C3orf70: variants seen among roughly 807,000 people sequenced by gnomAD.
The protein encoded by C3orf70 is UPF0524 protein C3orf70.
Under a neutral mutation model 20.7 loss-of-function variants are expected in C3orf70, and 15 were observed. That is an observed-to-expected ratio of 0.72 (90% CI 0.48 to 1.11). The LOEUF (loss-of-function observed/expected upper bound fraction) is 1.11. C3orf70 is among the 50% of genes most tolerant of loss of function. C3orf70 has a pLI of 0.00. For missense variants in C3orf70, 332 were observed against 317.6 expected, an observed-to-expected ratio of 1.05 and a Z score of -0.34; for synonymous variants, 161 against 125.7, an observed-to-expected ratio of 1.28 and a Z score of -1.88.
chr3:185,124,997 C>T (rs919233939), intron 1 of C3orf70, among the ~76,000 whole-genome samples: 11 of 151,910 alleles, frequency 7.2e-5, no homozygotes, highest in Admixed American at 1.3e-4. Flanking sequence ...TTTTTTTAAG[C>T]GCTGACATTG....
intron 1 of C3orf70, among the ~76,000 whole-genome samples, chr3:185,118,734 A>G (rs1716233044): frequency 6.6e-6 from 1 of 152,188 alleles, no homozygotes; most frequent in Admixed American, 6.5e-5. Flanking sequence ...TAAATTTAAA[A>G]CAAGTATCAG....
At chr3:185,133,667 G>A (rs1250954289) in intron 1 of C3orf70, among the ~76,000 whole-genome samples, 3 of 152,172 alleles carry the variant, frequency 2.0e-5, no homozygotes, top group African/African-American at 7.2e-5. Context: ...CTTGAACCCT[G>A]GGGTAGAGGT....
At chr3:185,148,240 T>C (rs901592343) in intron 1 of C3orf70, among the ~76,000 whole-genome samples, 1 of 152,246 alleles carries the variant, frequency 6.6e-6, no homozygotes. Flanking sequence ...CTCTGAGTTC[T>C]ACATCCCTGT....
intron 1 of C3orf70, among the ~76,000 whole-genome samples, chr3:185,112,327 T>A (rs1284259113): frequency 6.6e-6 from 1 of 152,158 alleles, no homozygotes; most frequent in Admixed American, 6.6e-5. Context: ...GCCCATTTTC[T>A]GACTATATTC....
At chr3:185,130,693 T>C (rs1716507598) in intron 1 of C3orf70, among the ~76,000 whole-genome samples, 1 of 152,214 alleles carries the variant, frequency 6.6e-6, no homozygotes, top group African/African-American at 2.4e-5. Flanking sequence ...GGCCATTTCA[T>C]ATAAGTGGAA....
rs543767583 is a variant in C3orf70 at position 185,135,576 on chromosome 3, G to A, written c.196+17052C>T. 2.3e-4 allele frequency among the ~76,000 whole-genome samples: 35 copies of A among 152,322 alleles called. No individual in the cohort carries two copies. In the South Asian group the frequency reaches 4.3e-3, roughly 19 times the overall value. ...ACAAAAGGGATAATTTCTGATGTTCGATAGCAGAGTAGCGTAACTATAGTT... is the reference window on the plus strand; with the variant it reads ...ACAAAAGGGATAATTTCTGATGTTCAATAGCAGAGTAGCGTAACTATAGTT... On this transcript the variant is annotated intron_variant, in intron 1 of 1. Coordinates refer to ENST00000335012, the MANE Select transcript of C3orf70 (RefSeq NM_001025266.3).
intron 1 of C3orf70, among the ~76,000 whole-genome samples, chr3:185,124,366 G>A (rs1186740149): frequency 3.9e-5 from 6 of 152,158 alleles, no homozygotes; most frequent in African/African-American, 1.2e-4. Context: ...TGGAGACAAA[G>A]GAATTAGAAT....
At position 185,083,553 on chromosome 3, in the gene C3orf70, C is replaced by A; in HGVS notation, c.207G>T (p.Met69Ile). ...GTTCCACAGGGGTCATAGGCTGATA[C>A]ATGTATTTGCCTGTGAAGACACAAA... is the stretch of plus-strand genomic sequence containing the variant. ...CHLGWCHCKY[M>I]YQPMTPVEQL... Residue 69 changes from methionine to isoleucine, a missense_variant, in exon 2 of 2, where the codon ATG (methionine) becomes ATT (isoleucine). Met to Ile is a conservative substitution (Grantham distance 10). Coordinates refer to ENST00000335012, the MANE Select transcript of C3orf70 (RefSeq NM_001025266.3). 1 of 1,590,462 alleles carries A rather than the reference C, an allele frequency of 6.3e-7. No individual in the cohort carries two copies. The highest frequency in any genetic ancestry group is 1.1e-5 in the South Asian group (1 of 87,024).
chr3:185,149,456 G>A (rs1716945694), intron 1 of C3orf70, among the ~76,000 whole-genome samples: 1 of 151,650 alleles, frequency 6.6e-6, no homozygotes, highest in South Asian at 2.1e-4. Flanking sequence ...TGCATATAGG[G>A]TCCATAATGG....
intron 1 of C3orf70, among the ~76,000 whole-genome samples, chr3:185,140,029 TAC>T (rs1190506548): frequency 6.6e-6 from 1 of 152,180 alleles, no homozygotes; most frequent in African/African-American, 2.4e-5. Context: ...CACCAAATTA[TAC>T]ACAGTCATCC....
rs115310934 is a variant in C3orf70, at chr3:185,133,222, G to A, written c.196+19406C>T. 7.1e-3 allele frequency among the ~76,000 whole-genome samples: 1,086 copies of A among 152,274 alleles called. 20 individuals carry two copies. The highest frequency in any genetic ancestry group is 0.025 in the African/African-American group (1,041 of 41,548). ...ACAGGCATTCTTACATGTTGCTGGT[G>A]GGAGGGCAAATGGTACAACCCATAT... is the stretch of plus-strand genomic sequence containing the variant. On this transcript the variant is annotated intron_variant, in intron 1 of 1. Coordinates refer to ENST00000335012, the MANE Select transcript of C3orf70 (RefSeq NM_001025266.3).
At chr3:185,092,855 G>A (rs547832034) in intron 1 of C3orf70, among the ~76,000 whole-genome samples, 16 of 152,122 alleles carry the variant, frequency 1.1e-4, no homozygotes, top group Non-Finnish European at 2.2e-4. Context: ...GTTGGGTGCG[G>A]TGGCACATGC....
intron 1 of C3orf70, among the ~76,000 whole-genome samples, chr3:185,101,112 G>A (rs1483713246): frequency 6.6e-6 from 1 of 152,008 alleles, no homozygotes; most frequent in Non-Finnish European, 1.5e-5. Flanking sequence ...ATATAAAGAT[G>A]AGCTGGTACC....
At chr3:185,149,038 GCAAA>G (rs977750986) in intron 1 of C3orf70, among the ~76,000 whole-genome samples, 1 of 152,060 alleles carries the variant, frequency 6.6e-6, no homozygotes, top group Non-Finnish European at 1.5e-5. Flanking sequence ...CTCAGATTTG[GCAAA>G]CAAACTGATA....
intron 1 of C3orf70, among the ~76,000 whole-genome samples, chr3:185,124,901 T>G (rs115014111): frequency 4.6e-5 from 7 of 152,164 alleles, no homozygotes; most frequent in African/African-American, 1.7e-4. Flanking sequence ...AACCAGCACA[T>G]GAAAAGATGT....
chr3:185,083,014 G>A lies in C3orf70; in HGVS notation c.746C>T (p.Thr249Ile). 1 of 1,613,340 alleles carries A rather than the reference G, an allele frequency of 6.2e-7. No homozygotes were observed. Among genetic ancestry groups the A allele is most frequent in the Non-Finnish European group, 8.5e-7 (1 of 1,179,578 alleles). The change falls in exon 2 of 2, where the codon ACT becomes ATT. Residue 249 changes from threonine to isoleucine, a missense_variant. Coordinates refer to ENST00000335012, the MANE Select transcript of C3orf70 (RefSeq NM_001025266.3). ...DLEVIETIET[T>I]V ...GGCTTCCTGTCTGGACTCTCACACAGTCGTTTCTATCGTTTCAATCACTTC... is the reference window on the plus strand; with the variant it reads ...GGCTTCCTGTCTGGACTCTCACACAATCGTTTCTATCGTTTCAATCACTTC...
chr3:185,094,656 G>C (rs1353657028), intron 1 of C3orf70, among the ~76,000 whole-genome samples: 2 of 149,780 alleles, frequency 1.3e-5, no homozygotes, highest in Non-Finnish European at 3.0e-5. Flanking sequence ...ACTTCTGGTA[G>C]ATTAAAAAAA....
Position 185,128,354 on chromosome 3 carries a change from G to A in C3orf70, c.196+24274C>T, listed in dbSNP as rs74422006. Among the ~76,000 whole-genome samples the A allele has an allele frequency of 9.4e-3, 1,431 of 152,058 alleles. 21 individuals carry two copies. The highest frequency in any genetic ancestry group is 0.033 in the African/African-American group (1,358 of 41,496). Reference sequence around the variant, plus strand: ...GCCAGTCTGGCCAACATGGTGAAACGCCGCCTCTACTTAAAATATAAAAAT... The same window carrying A: ...GCCAGTCTGGCCAACATGGTGAAACACCGCCTCTACTTAAAATATAAAAAT... On this transcript the variant is annotated intron_variant, in intron 1 of 1. Transcript: ENST00000335012.
chr3:185,128,401 G>T (rs546953930), intron 1 of C3orf70, among the ~76,000 whole-genome samples: 4 of 152,072 alleles, frequency 2.6e-5, no homozygotes, highest in South Asian at 4.2e-4. Context: ...GGTGGCACAC[G>T]CCTGTAATCC....
Sources: gnomAD v4.1 joint callset for allele counts (sites outside exome capture counted in the v4.1 genomes callset) on GRCh38, gnomAD v4.1.1 for gene constraint, MANE v1.5 for transcripts, NCBI Gene and HGNC (gene_info 2026-07-23, HGNC 2026-07-21) for gene names.